The following TRIM31 variants were observed in gnomAD, a reference collection of about 807,000 sequenced individuals.
TRIM31 encodes tripartite motif containing 31.
Under a neutral mutation model 40.6 loss-of-function variants are expected in TRIM31, and 31 were observed. The ratio of observed to expected loss-of-function variants is 0.76; its 90% CI spans 0.57 to 1.03. The LOEUF (loss-of-function observed/expected upper bound fraction) is 1.03, where lower values mean the gene tolerates loss of function less well. Ranked by LOEUF, TRIM31 falls within the 50% of genes least tolerant of loss-of-function variation. The pLI, the probability that TRIM31 is intolerant of heterozygous loss-of-function variation, is 0.00. For synonymous variants in TRIM31, 164 were observed against 193.9 expected, an observed-to-expected ratio of 0.85 and a Z score of 1.28; for missense variants, 455 against 497.5, an observed-to-expected ratio of 0.91 and a Z score of 0.81.
Position 30,112,907 on chromosome 6 carries a change from G to A in TRIM31, c.-83-19C>T. 1 of 1,176,076 alleles carries A rather than the reference G, an allele frequency of 8.5e-7. No homozygotes were observed. The highest frequency in any genetic ancestry group is 1.8e-5 in the South Asian group (1 of 56,212). 72.9% of individuals were successfully genotyped at this position (1,176,076 alleles called of 1,614,324 possible). A position where few individuals can be genotyped will look rare whatever the true frequency, so the allele number is the denominator to read the frequency against. On this transcript the variant is annotated intron_variant, in intron 1 of 8. Coordinates refer to ENST00000376734, the MANE Select transcript of TRIM31 (RefSeq NM_007028.5). ...ACTGTTTCTAGGAAGGGAGAAGGGA[G>A]TCAGAGAAAGTGGAGGTCAGAGATT...
rs61745624 is a variant in TRIM31, at chr6:30,103,785, G to T, written c.1029C>A (p.Gly343=). ...GATTTGGTGGCCCCGATGTAGTTCT[G>T]CCGCCTTTGCGGGAGAAGGAAAGGA... ...TSEPGSSSAG[G]RTTSGPPNHH... Residue 343 remains glycine (G), a synonymous_variant, in exon 9 of 9, where the codon GGC becomes GGA. Transcript: ENST00000376734. 1.5e-3 allele frequency: 2,468 copies of T among 1,612,892 alleles called. 7 individuals carry two copies. Among genetic ancestry groups the T allele is most frequent in the Middle Eastern group, 2.2e-3 (13 of 6,022 alleles).
At chr6:30,111,488 C>T in intron 3 of TRIM31, 160 bp downstream of exon 3, 2 of 670,588 alleles carry the variant, frequency 3.0e-6, no homozygotes, top group East Asian at 2.6e-5. Context: ...GCGAGGCCGA[C>T]GCGGGAGGTG....
rs1768344490 is a variant in TRIM31 at position 30,103,148 on chromosome 6, G to C, written c.*388C>G. On this transcript the variant is annotated 3_prime_UTR_variant, in exon 9 of 9. Transcript: ENST00000376734. ...TTGATGGACTGTGACCCAGGCTGGC[G>C]TTGCTCCTCTCCGGATTTCACTCCT... is the stretch of plus-strand genomic sequence containing the variant. 2 of 267,016 alleles carry C rather than the reference G, an allele frequency of 7.5e-6. No homozygotes were observed. The highest frequency in any genetic ancestry group is 1.4e-5 in the Non-Finnish European group (2 of 138,356). 16.5% of individuals were successfully genotyped at this position (267,016 alleles called of 1,614,324 possible).
At chr6:30,108,304 A>G in intron 5 of TRIM31, 136 bp from the exon 6 acceptor site, 1 of 649,290 alleles carries the variant, frequency 1.5e-6, no homozygotes, top group Non-Finnish European at 2.8e-6. Context: ...CACACCTGTA[A>G]TCCCAGCACT....
chr6:30,103,458 T>C lies in TRIM31; in HGVS notation c.*78A>G. On this transcript the variant is annotated 3_prime_UTR_variant, in exon 9 of 9. Coordinates refer to ENST00000376734, the MANE Select transcript of TRIM31 (RefSeq NM_007028.5). ...CCACTAAGTCAAGAACCGTGGTCGGTCTCAGCCACTCACTCAGCGCCACTC... is the reference window on the plus strand; with the variant it reads ...CCACTAAGTCAAGAACCGTGGTCGGCCTCAGCCACTCACTCAGCGCCACTC... 1.3e-6 allele frequency: 2 copies of C among 1,586,616 alleles called. No homozygotes were observed. Among genetic ancestry groups the C allele is most frequent in the Non-Finnish European group, 1.7e-6 (2 of 1,168,620 alleles).
In TRIM31 at chr6:30,112,431, G is replaced by A. The variant is rs151255204; in HGVS notation, c.375C>T (p.Ser125=). The A allele has an allele frequency of 0.011, 17,233 of 1,612,872 alleles. 927 individuals carry two copies. The South Asian group carries it at 0.13, about 12-fold the overall frequency. ...FVCRESKDHK[S]HNVSLIEEAA... ...CTTCTTCGATCAAGCTGACATTATG[G>A]GATTTGTGGTCCTTGGATTCACGAC... Residue 125 remains serine, a synonymous_variant, in exon 2 of 9, where the codon TCC becomes TCT. Coordinates refer to ENST00000376734, the MANE Select transcript of TRIM31 (RefSeq NM_007028.5).
rs9278578 is a variant in TRIM31, at chr6:30,111,030, C to CTT, written c.514-354_514-353dup. ...CACAATGTCTTCATTTTCCTTCTGT[C>CTT]TTTTTTTTTTTTTTTTTTTGAGACA... On this transcript the variant is annotated intron_variant, in intron 3 of 8. Coordinates refer to ENST00000376734, the MANE Select transcript of TRIM31 (RefSeq NM_007028.5). 3.7e-3 allele frequency among the ~76,000 whole-genome samples: 426 copies of CTT among 114,292 alleles called. 8 individuals are homozygous for CTT. Among genetic ancestry groups the CTT allele is most frequent in the East Asian group, 0.017 (64 of 3,740 alleles). 75.0% of individuals were successfully genotyped at this position (114,292 alleles called of 152,430 possible). A position where few individuals can be genotyped will look rare whatever the true frequency, so the allele number is the denominator to read the frequency against.
chr6:30,110,240 A>G (rs180927884), intron 4 of TRIM31, among the ~76,000 whole-genome samples: 1 of 152,378 alleles, frequency 6.6e-6, no homozygotes, highest in East Asian at 1.9e-4. Flanking sequence ...TCTAAATCAC[A>G]CATGTGGCCA....
chr6:30,109,698 T>A (rs1054219466), intron 4 of TRIM31, among the ~76,000 whole-genome samples: 1 of 152,120 alleles, frequency 6.6e-6, no homozygotes, highest in Admixed American at 6.5e-5. Flanking sequence ...CTGGCCAACA[T>A]GGTAAAACCC....
rs1186188794 is a variant in TRIM31, at chr6:30,103,551, C to T, written c.1263G>A (p.Glu421=). 1.2e-6 allele frequency: 2 copies of T among 1,612,616 alleles called. No homozygotes were observed. Among genetic ancestry groups the T allele is most frequent in the Non-Finnish European group, 8.5e-7 (1 of 1,179,810 alleles). ...WLTAIRAWFC[E]VPSS is the part of the protein sequence containing the mutation. ...CTGAGCTGGCTTAGCTTGAAGGAAC[C>T]TCACAAAACCAAGCCCGGATCGCTG... Residue 421 remains glutamate (E), a synonymous_variant, in exon 9 of 9, where the codon GAG becomes GAA. Transcript: ENST00000376734.
rs767423232 is a variant in TRIM31, at chr6:30,105,248, G to C, written c.884-6C>G. On this transcript the variant is annotated splice_polypyrimidine_tract_variant and splice_region_variant and intron_variant, in intron 6 of 8. Coordinates refer to ENST00000376734, the MANE Select transcript of TRIM31 (RefSeq NM_007028.5). The stretch of plus-strand genomic sequence containing the variant: ...CCTATCAGCCTGGAGTTGGTCTGGG[G>C]AATAAAGAATGGGATGAAATGGTGA... The C allele has an allele frequency of 9.3e-6, 15 of 1,610,966 alleles. No homozygotes were observed. The highest frequency in any genetic ancestry group is 1.3e-5 in the Non-Finnish European group (15 of 1,178,740).
chr6:30,105,301 C>A, intron 6 of TRIM31, 59 bp from the exon 7 acceptor site: 1 of 1,304,512 alleles, frequency 7.7e-7, no homozygotes, highest in South Asian at 1.2e-5. Context: ...GCAAAGAACT[C>A]ACTATCACAC....
chr6:30,103,628 A>G lies in TRIM31; in HGVS notation c.1186T>C (p.Phe396Leu). ...QGASSQDTKT[F>L]DVALSEELHA... ...AGCTCCTCGGACAGCGCAACGTCAA[A>G]TGTCTTCGTATCCTGAGAGCTCGCT... Residue 396 changes from phenylalanine (F) to leucine (L), a missense_variant, in exon 9 of 9, where the codon TTT (phenylalanine) becomes CTT (leucine). Coordinates refer to ENST00000376734, the MANE Select transcript of TRIM31 (RefSeq NM_007028.5). 6.2e-7 allele frequency: 1 copy of G among 1,613,050 alleles called. No individual in the cohort carries two copies. The highest frequency in any genetic ancestry group is 8.5e-7 in the Non-Finnish European group (1 of 1,180,018).
chr6:30,110,052 CA>C (rs1286186638), intron 4 of TRIM31, among the ~76,000 whole-genome samples: 4 of 130,256 alleles, frequency 3.1e-5, no homozygotes, highest in Non-Finnish European at 5.0e-5. Flanking sequence ...AAAAAACCAC[CA>C]AAAACCCAGA....
Position 30,105,970 on chromosome 6 carries a change from C to T in TRIM31, c.884-728G>A, listed in dbSNP as rs995773305. ...ATGAAAGAGGGCTTGAGAGGGGGAACGAAGACAGAGCTCCTGCAAGGGGAG... is the reference window on the plus strand; with the variant it reads ...ATGAAAGAGGGCTTGAGAGGGGGAATGAAGACAGAGCTCCTGCAAGGGGAG... On this transcript the variant is annotated intron_variant, in intron 6 of 8. Transcript: ENST00000376734. Among the ~76,000 whole-genome samples the T allele has an allele frequency of 6.6e-5, 10 of 152,322 alleles. 1 individual carries two copies. The South Asian group carries it at 8.3e-4, about 13-fold the overall frequency.
chr6:30,105,633 T>C (rs142170267), intron 6 of TRIM31: 2 of 156,000 alleles, frequency 1.3e-5, no homozygotes, highest in Admixed American at 6.4e-5. Flanking sequence ...ATTATTGCTA[T>C]CTTTTACAGT....
At position 30,103,261 on chromosome 6, in the gene TRIM31, G is replaced by A; in HGVS notation, c.*275C>T. 1.7e-6 allele frequency: 1 copy of A among 578,384 alleles called. No individual in the cohort carries two copies. Among genetic ancestry groups the A allele is most frequent in the Non-Finnish European group, 3.1e-6 (1 of 326,776 alleles). 35.8% of individuals were successfully genotyped at this position (578,384 alleles called of 1,614,324 possible). A position where few individuals can be genotyped will look rare whatever the true frequency, so the allele number is the denominator to read the frequency against. On this transcript the variant is annotated 3_prime_UTR_variant, in exon 9 of 9. Coordinates refer to ENST00000376734, the MANE Select transcript of TRIM31 (RefSeq NM_007028.5). ...CCTTTTTCCACTAGGCGGCACCACAGCCAAAGTGATAAGAAGTCAAGCGTG... is the reference window on the plus strand; with the variant it reads ...CCTTTTTCCACTAGGCGGCACCACAACCAAAGTGATAAGAAGTCAAGCGTG...
Position 30,103,134 on chromosome 6 carries a change from TGACCCAGG to T in TRIM31, c.*394_*401del, listed in dbSNP as rs1223679704. On this transcript the variant is annotated 3_prime_UTR_variant, in exon 9 of 9. Transcript: ENST00000376734. ...CGGGCTCATGGGGTTTGATGGACTG[TGACCCAGG>T]CTGGCGTTGCTCCTCTCCGGATTTC... 8.0e-6 allele frequency: 2 copies of T among 249,834 alleles called. No homozygotes were observed. Among genetic ancestry groups the T allele is most frequent in the Non-Finnish European group, 1.6e-5 (2 of 127,816 alleles). 15.5% of individuals were successfully genotyped at this position (249,834 alleles called of 1,614,324 possible).
chr6:30,112,795 C>T lies in TRIM31; in HGVS notation c.11G>A (p.Gly4Glu). Residue 4 changes from glycine to glutamate, a missense_variant, in exon 2 of 9, where the codon GGG becomes GAG. By Grantham distance (98) the Gly-to-Glu change is moderately conservative (BLOSUM62 -2). Coordinates refer to ENST00000376734, the MANE Select transcript of TRIM31 (RefSeq NM_007028.5). Reference sequence around the variant, plus strand: ...CTCTTGCAGTTTGTTCACAAACTGCCCACTGGCCATGACAGAACAACAGGG... The same window carrying T: ...CTCTTGCAGTTTGTTCACAAACTGCTCACTGGCCATGACAGAACAACAGGG... MAS[G>E]QFVNKLQEEV... is the part of the protein sequence containing the mutation. The T allele has an allele frequency of 6.2e-7, 1 of 1,607,458 alleles. No homozygotes were observed. The highest frequency in any genetic ancestry group is 1.1e-5 in the South Asian group (1 of 89,936).
Sources: gnomAD v4.1 joint callset for allele counts (sites outside exome capture counted in the v4.1 genomes callset) on GRCh38, gnomAD v4.1.1 for gene constraint, MANE v1.5 for transcripts, NCBI Gene and HGNC (gene_info 2026-07-23, HGNC 2026-07-21) for gene names.